PCDH7: variants seen among roughly 807,000 people sequenced by gnomAD.
The protein encoded by PCDH7 is protocadherin-7.
A neutral mutation model predicts 58.9 loss-of-function variants in PCDH7; 17 were observed. The observed-to-expected ratio is 0.29, with a 90% CI of 0.20 to 0.43. The LOEUF (loss-of-function observed/expected upper bound fraction) is 0.43. PCDH7 is among the 20% of genes least tolerant of loss of function. The pLI, the probability that PCDH7 is intolerant of heterozygous loss-of-function variation, is 1.00. For synonymous variants in PCDH7, 664 were observed against 616.4 expected (o/e 1.08, Z -1.14); for missense variants, 1,274 against 1,441.0 (o/e 0.88, Z 1.88).
chr4:31,146,052 T>C (rs1720652727), downstream of PCDH7: 1 of 152,068 alleles, frequency 6.6e-6, no homozygotes, highest in African/African-American at 2.4e-5. Flanking sequence ...AATCTACTGC[T>C]CTTTCTGAAT....
chr4:30,921,543 A>G (rs1743190644), intron 2 of PCDH7, among the ~76,000 whole-genome samples: 2 of 152,118 alleles, frequency 1.3e-5, no homozygotes, highest in African/African-American at 4.8e-5. Flanking sequence ...TATGCTAAAT[A>G]ATTATTTATC....
intron 3 of PCDH7, among the ~76,000 whole-genome samples, chr4:31,031,308 T>A (rs1754900182): frequency 1.3e-5 from 2 of 152,148 alleles, no homozygotes; most frequent in Non-Finnish European, 2.9e-5. Context: ...TAAGTAGAAG[T>A]CAAGAATGCC....
chr4:30,847,369 C>G (rs1732117612), intron 1 of PCDH7, among the ~76,000 whole-genome samples: 1 of 152,058 alleles, frequency 6.6e-6, no homozygotes, highest in Non-Finnish European at 1.5e-5. Flanking sequence ...GCAGGCCTCC[C>G]TTTGTGCTTC....
intron 3 of PCDH7, among the ~76,000 whole-genome samples, chr4:31,102,345 A>G (rs549175131): frequency 4.5e-4 from 69 of 152,310 alleles, no homozygotes; most frequent in Non-Finnish European, 8.7e-4. Context: ...ATGAACAGGA[A>G]GAGGCAGTAG....
chr4:30,933,108 C>A (rs1695532230), intron 2 of PCDH7, among the ~76,000 whole-genome samples: 1 of 151,894 alleles, frequency 6.6e-6, no homozygotes, highest in East Asian at 1.9e-4. Flanking sequence ...CTCACTGCAA[C>A]CTCCGCTTCC....
At chr4:30,895,488 G>T (rs915786511) in intron 1 of PCDH7, among the ~76,000 whole-genome samples, 11 of 151,984 alleles carry the variant, frequency 7.2e-5, no homozygotes, top group African/African-American at 2.7e-4. Context: ...TTATAATTGG[G>T]TTTGTCTCAC....
At chr4:30,886,754 A>C (rs956202078) in intron 1 of PCDH7, among the ~76,000 whole-genome samples, 3 of 151,636 alleles carry the variant, frequency 2.0e-5, no homozygotes, top group Non-Finnish European at 2.9e-5. Flanking sequence ...CTGGATTAAG[A>C]AAATGTGGCA....
chr4:30,920,820 A>G (rs1167817462), intron 2 of PCDH7, among the ~76,000 whole-genome samples: 2 of 152,196 alleles, frequency 1.3e-5, no homozygotes, highest in African/African-American at 2.4e-5. Context: ...TTAGAAAAGC[A>G]TTTTCAAACC....
intron 3 of PCDH7, among the ~76,000 whole-genome samples, chr4:31,006,929 C>G (rs890118584): frequency 2.0e-5 from 2 of 100,538 alleles, no homozygotes; most frequent in Non-Finnish European, 3.4e-5. Context: ...AGAAACAAGA[C>G]CTTATAGAAT....
At chr4:30,848,435 A>G (rs955857373) in intron 1 of PCDH7, among the ~76,000 whole-genome samples, 1 of 152,082 alleles carries the variant, frequency 6.6e-6, no homozygotes. Flanking sequence ...GGTGATTTTG[A>G]GTATTTAAAA....
intron 3 of PCDH7, among the ~76,000 whole-genome samples, chr4:30,970,520 C>G (rs1469132754): frequency 6.6e-6 from 1 of 152,114 alleles, no homozygotes; most frequent in African/African-American, 2.4e-5. Flanking sequence ...GTCTCGATCT[C>G]CTGACCTAGT....
chr4:30,793,519 G>T (rs890383285), intron 1 of PCDH7, among the ~76,000 whole-genome samples: 3 of 151,778 alleles, frequency 2.0e-5, no homozygotes, highest in East Asian at 1.9e-4. Flanking sequence ...TTCCCAACGG[G>T]TTTAGTGAAG....
In PCDH7 at chr4:30,961,310, C is replaced by T. The variant is rs371785597; in HGVS notation, c.*7+11095C>T. Among the ~76,000 whole-genome samples the T allele has an allele frequency of 2.7e-3, 415 of 151,392 alleles. 1 individual carries two copies. Among genetic ancestry groups the T allele is most frequent in the Non-Finnish European group, 4.6e-3 (313 of 67,882 alleles). On this transcript the variant is annotated intron_variant, in intron 3 of 3. Transcript: ENST00000509759. ...CTGTAATCCCAGCACTTTGGGAGGC[C>T]GAGGCGGGTGGATCATGAAGTCAGG...
intron 1 of PCDH7, among the ~76,000 whole-genome samples, chr4:30,754,184 GTGTGTT>G (rs1718963411): frequency 7.1e-6 from 1 of 140,256 alleles, no homozygotes; most frequent in African/African-American, 3.1e-5. Flanking sequence ...GTGTGTGTGT[GTGTGTT>G]TTTTCTGGAG....
Position 30,915,299 on chromosome 4 carries a change from A to G in PCDH7, c.71-4854A>G, listed in dbSNP as rs571811253. Among the ~76,000 whole-genome samples the G allele has an allele frequency of 3.9e-5, 6 of 152,282 alleles. No individual in the cohort carries two copies. In the South Asian group the frequency reaches 1.0e-3, roughly 26 times the overall value. The stretch of plus-strand genomic sequence containing the variant: ...TATTTCTCCATTGATTGACAAGCCA[A>G]TCTTCTACTTCTTTTGGTCCAACCT... On this transcript the variant is annotated intron_variant, in intron 1 of 3. Coordinates refer to the PCDH7 transcript ENST00000509759.
intron 1 of PCDH7, among the ~76,000 whole-genome samples, chr4:30,725,499 C>T (rs551769138): frequency 3.9e-5 from 6 of 152,042 alleles, no homozygotes; most frequent in Non-Finnish European, 7.4e-5. Flanking sequence ...TATTCTGAGG[C>T]GGAACTTAAG....
At chr4:31,050,194 C>T (rs1482430175) in intron 3 of PCDH7, among the ~76,000 whole-genome samples, 2 of 152,274 alleles carry the variant, frequency 1.3e-5, no homozygotes, top group African/African-American at 2.4e-5. Context: ...TACCCTCAGG[C>T]AGGCTTTTGC....
At chr4:30,786,836 G>A in intron 1 of PCDH7, 1 of 694,190 alleles carries the variant, frequency 1.4e-6, no homozygotes. Flanking sequence ...CAATATGTTG[G>A]ATCCTAATAG....
intron 1 of PCDH7, among the ~76,000 whole-genome samples, chr4:30,860,111 A>G (rs1252842854): frequency 2.0e-5 from 3 of 152,188 alleles, no homozygotes; most frequent in Non-Finnish European, 4.4e-5. Context: ...TCAATTCTCA[A>G]ACCTCTGAAG....
Sources: allele counts gnomAD v4.1 joint callset (sites outside exome capture counted in the v4.1 genomes callset), GRCh38; gene constraint gnomAD v4.1.1; transcripts MANE v1.5; gene names NCBI Gene and HGNC (gene_info 2026-07-23, HGNC 2026-07-21).